Variants in DMD observed in about 807,000 individuals in gnomAD.
DMD encodes dystrophin.
Under a neutral mutation model 330.1 loss-of-function variants are expected in DMD, and 63 were observed. The ratio of observed to expected loss-of-function variants is 0.19; its 90% CI spans 0.16 to 0.24. DMD has a LOEUF of 0.24. Ranked by LOEUF, DMD falls within the 10% of genes least tolerant of loss-of-function variation. The probability of loss-of-function intolerance (pLI) is 1.00; values close to 1 mark genes in which losing one functional copy is unlikely to be tolerated. For missense variants in DMD, 3,344 were observed against 2,684.1 expected, an observed-to-expected ratio of 1.25 and a Z score of -5.43; for synonymous variants, 1,223 against 959.8, an observed-to-expected ratio of 1.27 and a Z score of -5.07.
At chrX:31,953,966 T>C (rs994207594) in intron 45 of DMD, among the ~76,000 whole-genome samples, 1 of 111,480 alleles carries the variant, frequency 9.0e-6, no homozygotes, top group Non-Finnish European at 1.9e-5. Context: ...AGTACTCTGA[T>C]TTACTACTGC....
chrX:32,443,847 C>G (rs1470464680), intron 27 of DMD, among the ~76,000 whole-genome samples: 2 of 111,596 alleles, frequency 1.8e-5, no homozygotes, highest in African/African-American at 3.2e-5. Flanking sequence ...AAAAACTAAA[C>G]TTCTGTTCAA....
At chrX:33,167,203 G>A (rs1025734599) in intron 1 of DMD, among the ~76,000 whole-genome samples, 4 of 111,699 alleles carry the variant, frequency 3.6e-5, no homozygotes, top group Admixed American at 2.9e-4. Flanking sequence ...GAAAGCTGGA[G>A]AGTAATCCAT....
In DMD at chrX:31,975,969, A is replaced by C. The variant is rs768510627; in HGVS notation, c.6439-7455T>G. ...CTGTAGTTCTCTACTGGTATTTGCCATGCCTATATTTTCACTCTGTAAGTC... is the reference window on the plus strand; with the variant it reads ...CTGTAGTTCTCTACTGGTATTTGCCCTGCCTATATTTTCACTCTGTAAGTC... On this transcript the variant is annotated intron_variant, in intron 44 of 78. Transcript: ENST00000357033. Among the ~76,000 whole-genome samples, 113 of 111,671 alleles carry C rather than the reference A, an allele frequency of 1.0e-3. 1 individual carries two copies. The highest frequency in any genetic ancestry group is 2.0e-3 in the Non-Finnish European group (106 of 53,044).
chrX:32,539,536 G>A (rs762742529), intron 17 of DMD, among the ~76,000 whole-genome samples: 3 of 109,870 alleles, frequency 2.7e-5, no homozygotes, highest in Non-Finnish European at 5.7e-5. Context: ...AAAAGTTCAC[G>A]GACACATTAA....
chrX:32,742,593 G>A (rs925521682), intron 7 of DMD, among the ~76,000 whole-genome samples: 2 of 111,656 alleles, frequency 1.8e-5, no homozygotes, highest in East Asian at 2.8e-4. Flanking sequence ...AAGCTCATCT[G>A]GACAATCACA....
At chrX:31,952,738 A>G (rs774685285) in intron 45 of DMD, among the ~76,000 whole-genome samples, 4 of 109,745 alleles carry the variant, frequency 3.6e-5, no homozygotes, top group African/African-American at 1.3e-4. Flanking sequence ...GCTTTTCCCC[A>G]TGAGAATGGG....
chrX:32,499,782 A>G (rs1603634916), intron 19 of DMD, among the ~76,000 whole-genome samples: 1 of 111,311 alleles, frequency 9.0e-6, no homozygotes, highest in Middle Eastern at 4.6e-3. Context: ...GATTTAGGGT[A>G]GCAGTCCCTC....
chrX:32,990,376 A>C (rs1010782271), intron 2 of DMD, among the ~76,000 whole-genome samples: 11 of 111,890 alleles, frequency 9.8e-5, no homozygotes, highest in African/African-American at 3.6e-4. Flanking sequence ...ACCGTTATCA[A>C]CTGAGTGCAG....
chrX:32,282,053 T>A (rs1468297200), intron 43 of DMD, among the ~76,000 whole-genome samples: 1 of 112,089 alleles, frequency 8.9e-6, no homozygotes, highest in Non-Finnish European at 1.9e-5. Context: ...AATAATGCCA[T>A]CTTATGGCTG....
intron 60 of DMD, among the ~76,000 whole-genome samples, chrX:31,438,767 A>G (rs1196898711): frequency 9.0e-6 from 1 of 111,461 alleles, no homozygotes; most frequent in Non-Finnish European, 1.9e-5. Context: ...GTACAGGATC[A>G]TTAAAAAACA....
At chrX:33,228,711 C>CTT (rs759825087) in intron 1 of DMD, among the ~76,000 whole-genome samples, 2 of 101,139 alleles carry the variant, frequency 2.0e-5, no homozygotes, top group African/African-American at 7.1e-5. Context: ...TTTTCTTCAG[C>CTT]TTTTTTTTTT....
chrX:32,829,155 T>G (rs779517602), intron 4 of DMD, among the ~76,000 whole-genome samples: 3 of 111,766 alleles, frequency 2.7e-5, no homozygotes, highest in Non-Finnish European at 3.8e-5. Context: ...AAGGTTAACC[T>G]GACATCACAA....
At chrX:32,554,852 G>A (rs2050022718) in intron 16 of DMD, among the ~76,000 whole-genome samples, 6 of 62,934 alleles carry the variant, frequency 9.5e-5, no homozygotes, top group Non-Finnish European at 1.8e-4. Context: ...GAGAGAGAGA[G>A]AGAGAGAGAG....
chrX:33,008,839 C>A (rs2093461949), intron 2 of DMD, among the ~76,000 whole-genome samples: 1 of 34,273 alleles, frequency 2.9e-5, no homozygotes, highest in South Asian at 1.2e-3. Flanking sequence ...TATATATATA[C>A]ACATATATGT....
chrX:32,941,494 G>A (rs1016722497), intron 2 of DMD, among the ~76,000 whole-genome samples: 1 of 111,218 alleles, frequency 9.0e-6, no homozygotes, highest in African/African-American at 3.3e-5. Context: ...CATGTCCTTC[G>A]TAGCAACACA....
chrX:31,876,455 C>T (rs2093968694), intron 47 of DMD, among the ~76,000 whole-genome samples: 1 of 111,804 alleles, frequency 8.9e-6, no homozygotes, highest in Admixed American at 9.5e-5. Flanking sequence ...GACTCAGTAA[C>T]GTCATCCCTG....
chrX:32,034,575 G>A (rs769887799), intron 44 of DMD, among the ~76,000 whole-genome samples: 6 of 111,398 alleles, frequency 5.4e-5, no homozygotes, highest in Non-Finnish European at 1.1e-4. Flanking sequence ...AAACGTATAT[G>A]CTGAAAGTGG....
At chrX:32,561,571 T>C (rs1252475737) in intron 16 of DMD, among the ~76,000 whole-genome samples, 2 of 111,379 alleles carry the variant, frequency 1.8e-5, no homozygotes, top group African/African-American at 3.3e-5. Context: ...CGGAACCAAG[T>C]TGGAAATCAC....
At chrX:32,047,188 C>T (rs1427307474) in intron 44 of DMD, among the ~76,000 whole-genome samples, 2 of 111,355 alleles carry the variant, frequency 1.8e-5, no homozygotes, top group Non-Finnish European at 3.8e-5. Flanking sequence ...TTAAATACTT[C>T]TTATTTTAAT....
Sources: gnomAD v4.1 joint callset for allele counts (sites outside exome capture counted in the v4.1 genomes callset) on GRCh38, gnomAD v4.1.1 for gene constraint, MANE v1.5 for transcripts, NCBI Gene and HGNC (gene_info 2026-07-23, HGNC 2026-07-21) for gene names.